The following ANXA8 variants were observed in gnomAD, a reference collection of about 807,000 sequenced individuals.
The protein encoded by ANXA8 is annexin A8.
A neutral mutation model predicts 26.8 loss-of-function variants in ANXA8; 9 were observed. The ratio of observed to expected loss-of-function variants is 0.34; its 90% CI spans 0.20 to 0.59. ANXA8 has a LOEUF of 0.59. Ranked by LOEUF, ANXA8 falls within the 20% of genes least tolerant of loss-of-function variation. The pLI, the probability that ANXA8 is intolerant of heterozygous loss-of-function variation, is 0.84. For missense variants in ANXA8, 83 were observed against 238.5 expected (o/e 0.35, Z 4.29); for synonymous variants, 39 against 94.8 (o/e 0.41, Z 3.42).
the ANXA8 span, among the ~76,000 whole-genome samples, chr10:47,498,223 G>A: frequency 6.9e-3 from 1,029 of 149,048 alleles, 1 homozygote; most frequent in African/African-American, 0.024. Context: ...ACTCAGTCTG[G>A]ACGCTTCACA....
At chr10:47,561,699 T>A in the ANXA8 span, among the ~76,000 whole-genome samples, 1 of 151,904 alleles carries the variant, frequency 6.6e-6, no homozygotes, top group African/African-American at 2.4e-5. Flanking sequence ...GAGTGCCTAA[T>A]GTATGCCATT....
At chr10:47,956,849 C>T in the ANXA8 span, among the ~76,000 whole-genome samples, 84 of 150,194 alleles carry the variant, frequency 5.6e-4, 3 homozygotes, top group Middle Eastern at 3.5e-3. Context: ...GGGAAGGAGA[C>T]GGCTCTGCTT....
chr10:47,609,072 T>A, the ANXA8 span, among the ~76,000 whole-genome samples: 4 of 116,374 alleles, frequency 3.4e-5, no homozygotes, highest in Non-Finnish European at 6.7e-5. Context: ...ATGGTAGGTA[T>A]ATAGAAAATA....
At chr10:47,756,566 AC>A in the ANXA8 span, among the ~76,000 whole-genome samples, 1 of 147,664 alleles carries the variant, frequency 6.8e-6, no homozygotes, top group Non-Finnish European at 1.5e-5. Context: ...GGCCCCTTAA[AC>A]ACCTTGTACA....
At chr10:47,896,537 G>A in the ANXA8 span, among the ~76,000 whole-genome samples, 14 of 151,250 alleles carry the variant, frequency 9.3e-5, no homozygotes, top group East Asian at 2.2e-3. Context: ...TTATCGAAAA[G>A]CCTGATTTTT....
the ANXA8 span, among the ~76,000 whole-genome samples, chr10:47,779,189 C>T: frequency 8.3e-6 from 1 of 119,794 alleles, no homozygotes; most frequent in South Asian, 3.1e-4. Flanking sequence ...TATCTGCCTT[C>T]CTCGGGCTAG....
At chr10:47,647,504 A>G in the ANXA8 span, among the ~76,000 whole-genome samples, 1 of 150,046 alleles carries the variant, frequency 6.7e-6, no homozygotes, top group Non-Finnish European at 1.5e-5. Flanking sequence ...CACAAGGAAT[A>G]AATTGGAGCA....
the ANXA8 span, among the ~76,000 whole-genome samples, chr10:47,749,339 T>C: frequency 2.0e-5 from 3 of 149,840 alleles, no homozygotes; most frequent in Admixed American, 6.7e-5. Context: ...AGAAGAAAAC[T>C]GATCTATGAT....
At chr10:47,549,956 T>C in the ANXA8 span, among the ~76,000 whole-genome samples, 1 of 147,652 alleles carries the variant, frequency 6.8e-6, no homozygotes, top group African/African-American at 2.5e-5. Context: ...ACATAAAAAT[T>C]AAAAAAAAGG....
chr10:47,681,347 A>T, the ANXA8 span, among the ~76,000 whole-genome samples: 1 of 151,238 alleles, frequency 6.6e-6, no homozygotes, highest in East Asian at 1.9e-4. Context: ...TCAAGGCGTA[A>T]GTAGCAAAGT....
At chr10:47,727,404 G>C in the ANXA8 span, among the ~76,000 whole-genome samples, 1 of 152,234 alleles carries the variant, frequency 6.6e-6, no homozygotes. Context: ...ATTAGCCTCA[G>C]ATCCTCTAAG....
At chr10:47,938,767 T>C in the ANXA8 span, among the ~76,000 whole-genome samples, 8 of 149,454 alleles carry the variant, frequency 5.4e-5, no homozygotes, top group Non-Finnish European at 7.4e-5. Flanking sequence ...AGTGTCAAAG[T>C]GTCTGAGCCT....
chr10:47,688,565 G>A, the ANXA8 span, among the ~76,000 whole-genome samples: 1 of 151,450 alleles, frequency 6.6e-6, no homozygotes, highest in Non-Finnish European at 1.5e-5. Flanking sequence ...GAGACTATAG[G>A]CATGGGCCAT....
the ANXA8 span, among the ~76,000 whole-genome samples, chr10:47,566,401 C>T: frequency 2.0e-5 from 3 of 150,998 alleles, no homozygotes; most frequent in African/African-American, 7.3e-5. Context: ...AAAAAAAAAA[C>T]TTTCTTGCCA....
chr10:47,688,258 C>G, the ANXA8 span, among the ~76,000 whole-genome samples: 8 of 147,982 alleles, frequency 5.4e-5, no homozygotes, highest in Non-Finnish European at 1.0e-4. Context: ...CTATGTCCAG[C>G]TAATTTTAAG....
At chr10:47,671,040 T>C in the ANXA8 span, among the ~76,000 whole-genome samples, 1 of 151,738 alleles carries the variant, frequency 6.6e-6, no homozygotes, top group Non-Finnish European at 1.5e-5. Context: ...CAAAATGTGG[T>C]CCCAGCAGAA....
At chr10:47,496,782 T>A in the ANXA8 span, among the ~76,000 whole-genome samples, 24 of 149,550 alleles carry the variant, frequency 1.6e-4, no homozygotes, top group African/African-American at 5.2e-4. Context: ...TTTCCATGAT[T>A]GGACTGAAGT....
the ANXA8 span, among the ~76,000 whole-genome samples, chr10:47,566,241 A>G: frequency 6.4e-3 from 882 of 138,448 alleles, 3 homozygotes; most frequent in Non-Finnish European, 6.7e-3. Context: ...ACCGAAACAC[A>G]CGTTTCTAAG....
At chr10:47,722,939 T>A in the ANXA8 span, among the ~76,000 whole-genome samples, 2 of 140,004 alleles carry the variant, frequency 1.4e-5, 1 homozygote, top group East Asian at 5.7e-4. Context: ...TTGCAAGATG[T>A]AGTGATTGGT....
Sources: allele counts gnomAD v4.1 joint callset (sites outside exome capture counted in the v4.1 genomes callset), GRCh38; gene constraint gnomAD v4.1.1; transcripts MANE v1.5; gene names NCBI Gene and HGNC (gene_info 2026-07-23, HGNC 2026-07-21).